The following CADM1 variants were observed in gnomAD, a reference collection of about 807,000 sequenced individuals.
CADM1 encodes TSLC-1.
CADM1 carries 15 observed loss-of-function variants against 53.1 expected under a neutral mutation model. The ratio of observed to expected loss-of-function variants is 0.28; its 90% CI spans 0.19 to 0.44. The LOEUF is 0.44. Ranked by LOEUF, CADM1 falls within the 20% of genes least tolerant of loss-of-function variation. The probability of loss-of-function intolerance (pLI) is 1.00; values close to 1 mark genes in which losing one functional copy is unlikely to be tolerated. For synonymous variants in CADM1, 281 were observed against 243.0 expected, an observed-to-expected ratio of 1.16 and a Z score of -1.45; for missense variants, 434 against 611.3, an observed-to-expected ratio of 0.71 and a Z score of 3.06.
intron 1 of CADM1, chr11:115,256,695 C>G (rs1185003414): frequency 2.5e-6 from 1 of 401,878 alleles, no homozygotes; most frequent in Non-Finnish European, 5.2e-6. Context: ...GGAGAGAGAG[C>G]CAGCAACAAA....
At position 115,308,192 on chromosome 11, in the gene CADM1, G is replaced by GGGTA. The variant is rs1555061147; in HGVS notation, c.125-67773_125-67772insTACC. On this transcript the variant is annotated intron_variant, in intron 1 of 11. Coordinates refer to ENST00000331581, the MANE Select transcript of CADM1 (RefSeq NM_001301043.2). Reference sequence around the variant, plus strand: ...GTGTGTGTGTATATCACTCATAGGTGTGTATATATATATATATATACACAC... The same window carrying GGGTA: ...GTGTGTGTGTATATCACTCATAGGTGGGTATGTATATATATATATATATACACAC... 2.8e-4 allele frequency among the ~76,000 whole-genome samples: 20 copies of GGGTA among 70,498 alleles called. 1 individual carries two copies. In the East Asian group the frequency reaches 0.033, roughly 116 times the overall value. The allele number at this position is 70,498 out of a possible 152,430, so 46.2% of individuals were successfully genotyped here.
chr11:115,338,885 T>TA (rs1229412364), intron 1 of CADM1, among the ~76,000 whole-genome samples: 1 of 128,700 alleles, frequency 7.8e-6, no homozygotes, highest in African/African-American at 2.8e-5. Context: ...TTATTTTTTT[T>TA]TTTTTAATTT....
chr11:115,207,939 T>C (rs372893164), intron 8 of CADM1, among the ~76,000 whole-genome samples: 3 of 152,152 alleles, frequency 2.0e-5, no homozygotes, highest in African/African-American at 7.2e-5. Flanking sequence ...AGGCAAGAAA[T>C]GTGAAAAGGT....
At chr11:115,336,103 AAG>A (rs1307132101) in intron 1 of CADM1, among the ~76,000 whole-genome samples, 1 of 152,158 alleles carries the variant, frequency 6.6e-6, no homozygotes, top group Non-Finnish European at 1.5e-5. Flanking sequence ...CATGTAACTC[AAG>A]GTCAAGCTTT....
chr11:115,337,722 G>A (rs1945304807), intron 1 of CADM1, among the ~76,000 whole-genome samples: 1 of 152,030 alleles, frequency 6.6e-6, no homozygotes, highest in Non-Finnish European at 1.5e-5. Context: ...AAATAAACTA[G>A]AGGGCCACAG....
intron 1 of CADM1, among the ~76,000 whole-genome samples, chr11:115,390,461 G>A (rs1278294652): frequency 1.3e-5 from 2 of 151,766 alleles, no homozygotes; most frequent in African/African-American, 4.8e-5. Flanking sequence ...AGAGAAGTAG[G>A]GGACAGAGGG....
At chr11:115,364,656 T>C (rs1336267294) in intron 1 of CADM1, among the ~76,000 whole-genome samples, 3 of 152,236 alleles carry the variant, frequency 2.0e-5, no homozygotes, top group Non-Finnish European at 4.4e-5. Context: ...ATGATACTTC[T>C]TGAATCCTGT....
intron 1 of CADM1, among the ~76,000 whole-genome samples, chr11:115,360,208 A>T (rs1010751676): frequency 5.3e-5 from 8 of 152,256 alleles, no homozygotes; most frequent in African/African-American, 1.9e-4. Flanking sequence ...GCAGTGAGGT[A>T]CAGTAAGTAT....
chr11:115,464,331 A>G (rs746967008), intron 1 of CADM1, among the ~76,000 whole-genome samples: 2 of 152,210 alleles, frequency 1.3e-5, no homozygotes, highest in African/African-American at 2.4e-5. Flanking sequence ...CTTTCCTTCT[A>G]CTGACAGGTC....
At position 115,173,873 on chromosome 11, in the gene CADM1, CTTCA is replaced by C. The variant is rs928473808; in HGVS notation, c.*2597_*2600del. 1.4e-5 allele frequency: 14 copies of C among 969,478 alleles called. No individual in the cohort carries two copies. In the African/African-American group the frequency reaches 1.9e-4, roughly 13 times the overall value. The allele number at this position is 969,478 out of a possible 1,614,324, so 60.1% of individuals were successfully genotyped here. A position where few individuals can be genotyped will look rare whatever the true frequency, so the allele number is the denominator to read the frequency against. On this transcript the variant is annotated 3_prime_UTR_variant, in exon 12 of 12. Coordinates refer to ENST00000331581, the MANE Select transcript of CADM1 (RefSeq NM_001301043.2). The stretch of plus-strand genomic sequence containing the variant: ...GCTTATTTGGCATCAATTATACATC[CTTCA>C]TTATTTTATATTCCTTTAAAAAACA...
chr11:115,417,287 C>A (rs1947620843), intron 1 of CADM1, among the ~76,000 whole-genome samples: 1 of 152,164 alleles, frequency 6.6e-6, no homozygotes, highest in South Asian at 2.1e-4. Context: ...ACTAAGGGAG[C>A]TCACCGTTTA....
At chr11:115,303,356 C>T (rs1180756781) in intron 1 of CADM1, among the ~76,000 whole-genome samples, 1 of 151,974 alleles carries the variant, frequency 6.6e-6, no homozygotes, top group Non-Finnish European at 1.5e-5. Flanking sequence ...TCATTGGCTG[C>T]CACAGATCAT....
At chr11:115,201,251 AGATT>A (rs1414790207) in intron 8 of CADM1, among the ~76,000 whole-genome samples, 1 of 152,182 alleles carries the variant, frequency 6.6e-6, no homozygotes, top group Non-Finnish European at 1.5e-5. Flanking sequence ...GTTCAGAGCA[AGATT>A]GATGGTGTGT....
chr11:115,334,633 G>A (rs1945218497), intron 1 of CADM1, among the ~76,000 whole-genome samples: 1 of 152,028 alleles, frequency 6.6e-6, no homozygotes, highest in South Asian at 2.1e-4. Flanking sequence ...AGTCTGTATA[G>A]GGTTCAATAC....
intron 5 of CADM1, among the ~76,000 whole-genome samples, chr11:115,223,484 T>C (rs1941481315): frequency 6.6e-6 from 1 of 152,290 alleles, no homozygotes; most frequent in South Asian, 2.1e-4. Flanking sequence ...ATGTAAGTAT[T>C]CAATGTCCAC....
At chr11:115,356,602 T>C (rs1184810017) in intron 1 of CADM1, among the ~76,000 whole-genome samples, 1 of 152,222 alleles carries the variant, frequency 6.6e-6, no homozygotes, top group African/African-American at 2.4e-5. Context: ...AAGGGATTTT[T>C]TTTAAATGTG....
In CADM1 at chr11:115,190,889, T is replaced by G; in HGVS notation, c.1164A>C (p.Ser388=). 1.3e-6 allele frequency: 2 copies of G among 1,594,528 alleles called. No individual in the cohort carries two copies. The highest frequency in any genetic ancestry group is 1.7e-4 in the Middle Eastern group (1 of 6,058). Reference sequence around the variant, plus strand: ...CCTTACCTAATGACTAGCCCTTACCTGAGAGGTCCTCACTGTCCAGTTCTT... The same window carrying G: ...CCTTACCTAATGACTAGCCCTTACCGGAGAGGTCCTCACTGTCCAGTTCTT... The part of the protein sequence containing the change: ...SAEELDSEDL[S]DSRAGEEGSI... The change falls in exon 10 of 12, where the codon TCA becomes TCC. Residue 388 remains serine (S), a splice_region_variant and synonymous_variant. Coordinates refer to ENST00000331581, the MANE Select transcript of CADM1 (RefSeq NM_001301043.2).
rs900507741 is a variant in CADM1 at position 115,320,684 on chromosome 11, C to A, written c.125-80264G>T. Among the ~76,000 whole-genome samples, 17 of 150,396 alleles carry A rather than the reference C, an allele frequency of 1.1e-4. No individual in the cohort carries two copies. The South Asian group carries it at 2.9e-3, about 26-fold the overall frequency. On this transcript the variant is annotated intron_variant, in intron 1 of 11. Coordinates refer to ENST00000331581, the MANE Select transcript of CADM1 (RefSeq NM_001301043.2). ...TGAGTATCCTGAAGTTGGTGGGAAT[C>A]CAGAAAAAAAAAAAGTTTCATTTAA... is the stretch of plus-strand genomic sequence containing the variant.
At position 115,385,182 on chromosome 11, in the gene CADM1, CA is replaced by C. The variant is rs34684645; in HGVS notation, c.124+119088del. On this transcript the variant is annotated intron_variant, in intron 1 of 11. Coordinates refer to ENST00000331581, the MANE Select transcript of CADM1 (RefSeq NM_001301043.2). Reference sequence around the variant, plus strand: ...GCCTTTATTTGTAAAATGTGCTTTCCAAAAAAAAAAAAAACAGATTTTCAAT... The same window carrying C: ...GCCTTTATTTGTAAAATGTGCTTTCCAAAAAAAAAAAAACAGATTTTCAAT... 7.8e-3 allele frequency among the ~76,000 whole-genome samples: 707 copies of C among 90,900 alleles called. 2 individuals are homozygous for C. The highest frequency in any genetic ancestry group is 0.019 in the African/African-American group (446 of 23,958). The allele number at this position is 90,900 out of a possible 152,430, so 59.6% of individuals were successfully genotyped here.
Sources: gnomAD v4.1 joint callset for allele counts (sites outside exome capture counted in the v4.1 genomes callset) on GRCh38, gnomAD v4.1.1 for gene constraint, MANE v1.5 for transcripts, NCBI Gene and HGNC (gene_info 2026-07-23, HGNC 2026-07-21) for gene names.